ASB14: variants seen among roughly 807,000 people sequenced by gnomAD.
The protein encoded by ASB14 is ankyrin repeat and SOCS box protein 14.
Under a neutral mutation model 55.6 loss-of-function variants are expected in ASB14, and 63 were observed. That is an observed-to-expected ratio of 1.13 (90% CI 0.92 to 1.40). The LOEUF (loss-of-function observed/expected upper bound fraction) is 1.40. Ranked by LOEUF, ASB14 falls within the 40% of genes most tolerant of loss-of-function variation. The pLI is 0.00. For synonymous variants in ASB14, 256 were observed against 259.9 expected (o/e 0.98, Z 0.15); for missense variants, 724 against 710.4 (o/e 1.02, Z -0.22).
At chr3:57,287,670 T>G (rs963385240) in intron 5 of ASB14, among the ~76,000 whole-genome samples, 2 of 152,182 alleles carry the variant, frequency 1.3e-5, no homozygotes, top group African/African-American at 4.8e-5. Flanking sequence ...ATTAACTGGC[T>G]TGATGAAGGT....
At chr3:57,277,742 G>A (rs1212869763) in intron 9 of ASB14, 25 bp downstream of exon 9, 2 of 1,577,116 alleles carry the variant, frequency 1.3e-6, no homozygotes, top group Admixed American at 3.7e-5. Context: ...TTTGTAAAAA[G>A]TCATTCTATG....
In ASB14 at chr3:57,278,380, A is replaced by C; in HGVS notation, c.1428T>G (p.Thr476=). 2 of 1,611,952 alleles carry C rather than the reference A, an allele frequency of 1.2e-6. No homozygotes were observed. The highest frequency in any genetic ancestry group is 1.7e-6 in the Non-Finnish European group (2 of 1,178,078). ...EGWTSTVIKD[T]KFCEVITLSW... The stretch of plus-strand genomic sequence containing the variant: ...ACAGCCAATACTGTGGACTTACCTT[A>C]GTATCTTTGATAACTGTAGATGTCC... Residue 476 remains threonine, a synonymous_variant, in exon 8 of 11, where the codon ACT becomes ACG. Coordinates refer to ENST00000487349, the MANE Select transcript of ASB14 (RefSeq NM_001142733.3).
At chr3:57,283,092 G>C in intron 6 of ASB14, 102 bp downstream of exon 6, 1 of 1,395,600 alleles carries the variant, frequency 7.2e-7, no homozygotes, top group Non-Finnish European at 9.7e-7. Flanking sequence ...TTTATATTAG[G>C]CTTAAATGTT....
At position 57,269,615 on chromosome 3, in the gene ASB14, T is replaced by C; in HGVS notation, c.*26A>G. 6.2e-7 allele frequency: 1 copy of C among 1,614,126 alleles called. No individual in the cohort carries two copies. The highest frequency in any genetic ancestry group is 8.5e-7 in the Non-Finnish European group (1 of 1,180,018). ...AAGCCAGTAGTGAGGGGCAGTTTGT[T>C]GTCCTTAGCAGTAGCCAGTCAGAAG... On this transcript the variant is annotated 3_prime_UTR_variant, in exon 11 of 11. Transcript: ENST00000487349.
Position 57,291,574 on chromosome 3 carries a change from G to A in ASB14, c.122+338C>T, listed in dbSNP as rs368217112. 6.8e-4 allele frequency among the ~76,000 whole-genome samples: 103 copies of A among 152,062 alleles called. 2 individuals carry two copies. The highest frequency in any genetic ancestry group is 5.3e-4 in the Non-Finnish European group (36 of 68,020). ...AGATAACTAACTTTCTATGTGTCCC[G>A]GTTGGATTTATGCATTTCTTCAATT... On this transcript the variant is annotated intron_variant, in intron 2 of 10. Coordinates refer to ENST00000487349, the MANE Select transcript of ASB14 (RefSeq NM_001142733.3).
chr3:57,288,219 G>C lies in ASB14; in HGVS notation c.246C>G (p.Gly82=), dbSNP rs1264005352. The part of the protein sequence containing the change: ...HSAFGEADEI[G]WIPLHKAAVQ... ...CTGCAGCCTTATGCAGAGGAATCCA[G>C]CCTATCTCATCTGCTTCACCAAATG... The change falls in exon 4 of 11, where the codon GGC becomes GGG. Residue 82 remains glycine (G), a synonymous_variant. Transcript: ENST00000487349. 6.5e-7 allele frequency: 1 copy of C among 1,536,754 alleles called. No homozygotes were observed. The highest frequency in any genetic ancestry group is 8.7e-7 in the Non-Finnish European group (1 of 1,146,394).
intron 2 of ASB14, 60 bp from the exon 3 acceptor site, chr3:57,289,183 T>A: frequency 8.5e-7 from 1 of 1,182,300 alleles, no homozygotes; most frequent in Non-Finnish European, 1.2e-6. Flanking sequence ...TGTTATCTGA[T>A]ATAAATCAAA....
At chr3:57,278,333 C>A in intron 8 of ASB14, 44 bp downstream of exon 8, 1 of 1,523,856 alleles carries the variant, frequency 6.6e-7, no homozygotes, top group Non-Finnish European at 9.0e-7. Context: ...TCCAGGGCCA[C>A]AAATAATGAC....
At chr3:57,274,909 C>T (rs2107618849) in intron 10 of ASB14, among the ~76,000 whole-genome samples, 1 of 152,242 alleles carries the variant, frequency 6.6e-6, no homozygotes, top group South Asian at 2.1e-4. Flanking sequence ...AAGGGACACA[C>T]ATTTCTCAAT....
In ASB14 at chr3:57,276,612, C is replaced by T; in HGVS notation, c.1702G>A (p.Ala568Thr). The change falls in exon 10 of 11, where the codon GCA becomes ACA. Residue 568 changes from alanine (A) to threonine (T), a missense_variant. Transcript: ENST00000487349. ...SFLPLPNRLK[A>T]YVLYKEYDLY... ...TCGTATTCTTTGTAAAGGACATATG[C>T]TTTTAGACGATTGGGTAATGGAAGA... The T allele has an allele frequency of 6.2e-7, 1 of 1,613,834 alleles. No individual in the cohort carries two copies. The highest frequency in any genetic ancestry group is 8.5e-7 in the Non-Finnish European group (1 of 1,179,828).
intron 10 of ASB14, 51 bp downstream of exon 10, chr3:57,276,477 T>A: frequency 7.3e-7 from 1 of 1,372,764 alleles, no homozygotes; most frequent in African/African-American, 1.5e-5. Context: ...AAGCAAAAAA[T>A]ATGAATCATA....
At chr3:57,279,490 A>C (rs1336958411) in intron 7 of ASB14, among the ~76,000 whole-genome samples, 2 of 151,704 alleles carry the variant, frequency 1.3e-5, no homozygotes, top group Admixed American at 6.6e-5. Context: ...CACGAGGTTA[A>C]GAGATTGAGA....
rs1024472942 is a variant in ASB14, at chr3:57,268,585, T to G, written c.*1056A>C. 9.2e-5 allele frequency: 127 copies of G among 1,383,826 alleles called. 1 individual carries two copies. Among genetic ancestry groups the G allele is most frequent in the Non-Finnish European group, 1.1e-4 (119 of 1,048,084 alleles). 85.7% of individuals were successfully genotyped at this position (1,383,826 alleles called of 1,614,324 possible). On this transcript the variant is annotated 3_prime_UTR_variant, in exon 11 of 11. Transcript: ENST00000487349. ...TTGAATTTCCAAATGAAGGGCTGTT[T>G]CTGCTTGTTCAGCCACTTCATAAAC...
chr3:57,273,612 C>G (rs2060962629), intron 10 of ASB14: 1 of 152,344 alleles, frequency 6.6e-6, no homozygotes, highest in South Asian at 2.1e-4. Context: ...AAAAAAAAGT[C>G]ACTTTATTGG....
chr3:57,287,773 C>T, intron 5 of ASB14, 128 bp downstream of exon 5: 6 of 1,061,876 alleles, frequency 5.7e-6, no homozygotes, highest in Non-Finnish European at 6.6e-6. Flanking sequence ...AGGGTCGGTA[C>T]CCATGTCTGG....
chr3:57,278,429 T>C lies in ASB14; in HGVS notation c.1379A>G (p.His460Arg), dbSNP rs770636159. 4.3e-6 allele frequency: 7 copies of C among 1,614,100 alleles called. No homozygotes were observed. The Admixed American group carries it at 8.3e-5, about 19-fold the overall frequency. ...CFDCPHGDKVHPSYTVEGWTS... is the reference protein window; with the variant it reads ...CFDCPHGDKVRPSYTVEGWTS... ...CCAGCCTTCAACAGTATAGGAAGGATGGACTTTGTCTCCATGTGGGCAATC... is the reference window on the plus strand; with the variant it reads ...CCAGCCTTCAACAGTATAGGAAGGACGGACTTTGTCTCCATGTGGGCAATC... Residue 460 changes from histidine (H) to arginine (R), a missense_variant, in exon 8 of 11, where the codon CAT becomes CGT. His to Arg is a conservative substitution (Grantham distance 29). Transcript: ENST00000487349.
intron 7 of ASB14, among the ~76,000 whole-genome samples, chr3:57,279,174 G>A (rs1332229474): frequency 1.3e-5 from 2 of 150,938 alleles, no homozygotes; most frequent in African/African-American, 4.9e-5. Context: ...CTAAGTACCT[G>A]AGAAAAAAGT....
chr3:57,289,847 C>T (rs909543011), intron 2 of ASB14, among the ~76,000 whole-genome samples: 5 of 151,924 alleles, frequency 3.3e-5, no homozygotes, highest in African/African-American at 9.7e-5. Flanking sequence ...TGGGGTTTTA[C>T]TGTGTTAGCC....
Position 57,276,688 on chromosome 3 carries a change from G to A in ASB14, c.1626C>T (p.Ile542=). Residue 542 remains isoleucine, a synonymous_variant, in exon 10 of 11, where the codon ATC becomes ATT. Transcript: ENST00000487349. ...RSLKHLCRLK[I]RKCMGRLHLR... ...AATGTAACCGTCCCATGCATTTCCG[G>A]ATCTTTAGGCGGCACAAATGTTTTA... The A allele has an allele frequency of 6.2e-7, 1 of 1,614,030 alleles. No individual in the cohort carries two copies. The highest frequency in any genetic ancestry group is 8.5e-7 in the Non-Finnish European group (1 of 1,179,962).
Sources: allele counts gnomAD v4.1 joint callset (sites outside exome capture counted in the v4.1 genomes callset), GRCh38; gene constraint gnomAD v4.1.1; transcripts MANE v1.5; gene names NCBI Gene and HGNC (gene_info 2026-07-23, HGNC 2026-07-21).